Variants in MMP26 observed in about 807,000 individuals in gnomAD.
MMP26 encodes the protein matrix metallopeptidase 26, also known as matrix metalloproteinase-26.
In MMP26, 33 loss-of-function variants were observed where a neutral mutation model predicts 31.0. The observed-to-expected ratio is 1.06, with a 90% confidence interval of 0.81 to 1.42. The LOEUF is 1.42. MMP26 is among the 40% of genes most tolerant of loss of function. The pLI, the probability that MMP26 is intolerant of heterozygous loss-of-function variation, is 0.00. For missense variants in MMP26, 347 were observed against 316.1 expected (o/e 1.10, Z -0.74); for synonymous variants, 122 against 114.9 (o/e 1.06, Z -0.40).
chr11:4,755,222 T>A (rs542829573), intron 1 of MMP26, among the ~76,000 whole-genome samples: 1 of 75,740 alleles, frequency 1.3e-5, no homozygotes, highest in African/African-American at 5.3e-5. Flanking sequence ...TAAATTTTCA[T>A]CACAAATAAA....
chr11:4,936,287 C>A (rs1032326508), intron 2 of MMP26, among the ~76,000 whole-genome samples: 4 of 151,106 alleles, frequency 2.6e-5, no homozygotes, highest in Admixed American at 1.3e-4. Flanking sequence ...GATTCAACTT[C>A]TTCCTGGTTT....
intron 2 of MMP26, among the ~76,000 whole-genome samples, chr11:4,768,355 T>C (rs934820304): frequency 2.6e-5 from 4 of 152,356 alleles, no homozygotes; most frequent in African/African-American, 9.6e-5. Context: ...CCTTTTGTAT[T>C]ATGAATTATC....
At chr11:4,735,081 G>A (rs1328719123) in intron 1 of MMP26, among the ~76,000 whole-genome samples, 1 of 152,166 alleles carries the variant, frequency 6.6e-6, no homozygotes, top group East Asian at 1.9e-4. Flanking sequence ...AGGGTCTGGG[G>A]GAAGAAGGAG....
chr11:4,914,955 C>G lies in MMP26; in HGVS notation c.-144-73113C>G. The G allele has an allele frequency of 1.9e-6, 3 of 1,614,084 alleles. No individual in the cohort carries two copies. In the South Asian group the frequency reaches 3.3e-5, roughly 18 times the overall value. On this transcript the variant is annotated intron_variant, in intron 2 of 7. Coordinates refer to ENST00000380390, the MANE Select transcript of MMP26 (RefSeq NM_021801.5). ...GTGTTAAGGGCCTTGAATCTCTCAG[C>G]CCTGGAGGCGATGGACAGCACGGTG...
Position 4,804,805 on chromosome 11 carries a change from A to G in MMP26, c.-145+37464A>G, listed in dbSNP as rs192406712. On this transcript the variant is annotated intron_variant, in intron 2 of 7. Coordinates refer to ENST00000380390, the MANE Select transcript of MMP26 (RefSeq NM_021801.5). ...ATTAAAAATACAAAAACAAAACAAA[A>G]CAAAAAAAAACCCCATTAGCCAGGC... Among the ~76,000 whole-genome samples, 237 of 139,630 alleles carry G rather than the reference A, an allele frequency of 1.7e-3. 2 individuals carry two copies. Among genetic ancestry groups the G allele is most frequent in the African/African-American group, 6.4e-3 (231 of 36,334 alleles). 91.6% of individuals were successfully genotyped at this position (139,630 alleles called of 152,430 possible). A position where few individuals can be genotyped will look rare whatever the true frequency, so the allele number is the denominator to read the frequency against.
chr11:4,810,789 C>T (rs759002643), intron 2 of MMP26, among the ~76,000 whole-genome samples: 16 of 152,210 alleles, frequency 1.1e-4, no homozygotes, highest in Non-Finnish European at 1.5e-4. Flanking sequence ...TGAAGGCCTA[C>T]ACAGAGCTTC....
At chr11:4,733,544 C>T (rs1290738062) in intron 1 of MMP26, among the ~76,000 whole-genome samples, 3 of 151,866 alleles carry the variant, frequency 2.0e-5, no homozygotes, top group African/African-American at 7.3e-5. Context: ...TGTCTGAACC[C>T]ATTTATTAGT....
rs1454564726 is a variant in MMP26 at position 4,803,852 on chromosome 11, T to G, written c.-145+36511T>G. 2.5e-6 allele frequency: 4 copies of G among 1,612,104 alleles called. No individual in the cohort carries two copies. In the Admixed American group the frequency reaches 6.7e-5, roughly 27 times the overall value. ...ATGTGCTCACAGTATGACTGGGGAA[T>G]GGCTTGGTGTTGGCAGAAGGGCATC... On this transcript the variant is annotated intron_variant, in intron 2 of 7. Coordinates refer to ENST00000380390, the MANE Select transcript of MMP26 (RefSeq NM_021801.5).
intron 2 of MMP26, among the ~76,000 whole-genome samples, chr11:4,797,067 T>G (rs548736923): frequency 6.6e-6 from 1 of 152,286 alleles, no homozygotes; most frequent in South Asian, 2.1e-4. Context: ...TTTATTCATG[T>G]AACAAATAAA....
intron 2 of MMP26, among the ~76,000 whole-genome samples, chr11:4,847,066 G>T (rs1274990966): frequency 6.6e-6 from 1 of 152,122 alleles, no homozygotes; most frequent in Admixed American, 6.6e-5. Flanking sequence ...GATTCAAGGG[G>T]AATTACCTAC....
intron 2 of MMP26, among the ~76,000 whole-genome samples, chr11:4,933,623 G>A (rs1030199220): frequency 6.7e-6 from 1 of 148,606 alleles, no homozygotes; most frequent in Non-Finnish European, 1.5e-5. Flanking sequence ...TGCACATTGT[G>A]CAGGTTAGTT....
chr11:4,853,394 TA>T (rs1287260727), intron 2 of MMP26, among the ~76,000 whole-genome samples: 3 of 151,716 alleles, frequency 2.0e-5, no homozygotes, highest in African/African-American at 4.8e-5. Flanking sequence ...AAGCTGAAAA[TA>T]ATGGAATAAA....
At chr11:4,859,979 T>G (rs1589922003) in intron 2 of MMP26, 1 of 471,096 alleles carries the variant, frequency 2.1e-6, no homozygotes. Context: ...AGGCTGTTGA[T>G]GCGGGTGCTG....
chr11:4,727,635 A>G (rs1323440446), intron 1 of MMP26, among the ~76,000 whole-genome samples: 4 of 151,964 alleles, frequency 2.6e-5, no homozygotes, highest in African/African-American at 9.7e-5. Context: ...CATGGTGAAA[A>G]TCCGTCTCTA....
chr11:4,766,919 C>A (rs560915786), intron 1 of MMP26, among the ~76,000 whole-genome samples: 80 of 152,046 alleles, frequency 5.3e-4, no homozygotes, highest in African/African-American at 1.5e-3. Flanking sequence ...CATTATTTTA[C>A]CACATCTATC....
intron 1 of MMP26, chr11:4,724,120 G>C (rs568582782): frequency 1.6e-6 from 1 of 626,734 alleles, no homozygotes; most frequent in Non-Finnish European, 2.9e-6. Flanking sequence ...CTGAAGTCCT[G>C]GGGGGCTAGA....
At chr11:4,974,834 C>T (rs1846714796) in intron 2 of MMP26, among the ~76,000 whole-genome samples, 1 of 152,034 alleles carries the variant, frequency 6.6e-6, no homozygotes, top group African/African-American at 2.4e-5. Flanking sequence ...AGCCATTATC[C>T]TCAGCAAACT....
chr11:4,875,184 A>G (rs1257964921), intron 2 of MMP26: 3 of 152,144 alleles, frequency 2.0e-5, no homozygotes, highest in African/African-American at 7.2e-5. Flanking sequence ...AGTAAATCTC[A>G]AAATTCCTTT....
At chr11:4,712,271 T>A (rs1847871842) in intron 1 of MMP26, 1 of 152,192 alleles carries the variant, frequency 6.6e-6, no homozygotes, top group African/African-American at 2.4e-5. Context: ...GGTGTTTAAA[T>A]CTGACTAAAC....
Sources: gnomAD v4.1 joint callset for allele counts (sites outside exome capture counted in the v4.1 genomes callset) on GRCh38, gnomAD v4.1.1 for gene constraint, MANE v1.5 for transcripts, NCBI Gene and HGNC (gene_info 2026-07-23, HGNC 2026-07-21) for gene names.